The following ANKS1A variants were observed in gnomAD, a reference collection of about 807,000 sequenced individuals.
The protein encoded by ANKS1A is ankyrin repeat and sterile alpha motif domain containing 1A.
Under a neutral mutation model 120.3 loss-of-function variants are expected in ANKS1A, and 55 were observed. That is an observed-to-expected ratio of 0.46 (90% CI 0.37 to 0.57). The LOEUF (loss-of-function observed/expected upper bound fraction) is 0.57, where lower values mean the gene tolerates loss of function less well. Among genes scored for constraint, ANKS1A ranks in the 20% least tolerant of loss-of-function variants. The probability of loss-of-function intolerance (pLI) is 0.00; values close to 1 mark genes in which losing one functional copy is unlikely to be tolerated. For synonymous variants in ANKS1A, 590 were observed against 604.7 expected (o/e 0.98, Z 0.36); for missense variants, 1,123 against 1,480.3 (o/e 0.76, Z 3.96).
At chr6:35,025,770 G>A (rs940162001) in intron 11 of ANKS1A, among the ~76,000 whole-genome samples, 5 of 151,960 alleles carry the variant, frequency 3.3e-5, no homozygotes, top group African/African-American at 1.2e-4. Flanking sequence ...CTGTACCAGA[G>A]GGATTTTGCT....
Position 34,989,243 on chromosome 6 carries a change from C to T in ANKS1A, c.1229C>T (p.Pro410Leu), listed in dbSNP as rs1263318101. The T allele has an allele frequency of 6.2e-6, 10 of 1,613,880 alleles. No individual in the cohort carries two copies. Among genetic ancestry groups the T allele is most frequent in the African/African-American group, 4.0e-5 (3 of 74,906 alleles). ...GVRPRERPPPPAKPPPDEEEE... is the reference protein window; with the variant it reads ...GVRPRERPPPLAKPPPDEEEE... Reference sequence around the variant, plus strand: ...CTGCAGAGGGAACGTCCACCACCTCCAGCAAAGCCACCGCCCGATGAAGAG... The same window carrying T: ...CTGCAGAGGGAACGTCCACCACCTCTAGCAAAGCCACCGCCCGATGAAGAG... The change falls in exon 9 of 24, where the codon CCA becomes CTA. Residue 410 changes from proline to leucine, a missense_variant. Physicochemically the swap from Pro to Leu is moderately conservative, Grantham distance 98. Coordinates refer to ENST00000360359, the MANE Select transcript of ANKS1A (RefSeq NM_015245.3).
At chr6:35,093,307 G>A (rs1778362545), downstream of ANKS1A, among the ~76,000 whole-genome samples, 1 of 152,134 alleles carries the variant, frequency 6.6e-6, no homozygotes, top group Admixed American at 6.6e-5. Context: ...AGGGAGTGCA[G>A]GGAGATTCCT....
At chr6:34,936,646 C>T (rs1769269653) in intron 1 of ANKS1A, among the ~76,000 whole-genome samples, 1 of 152,162 alleles carries the variant, frequency 6.6e-6, no homozygotes, top group Non-Finnish European at 1.5e-5. Context: ...CCCTGGGTTT[C>T]TAATTCCTAC....
At chr6:34,998,387 T>C (rs1252981980) in intron 10 of ANKS1A, among the ~76,000 whole-genome samples, 5 of 152,136 alleles carry the variant, frequency 3.3e-5, no homozygotes, top group African/African-American at 4.8e-5. Flanking sequence ...CCCTCTCATA[T>C]TGTTTTATAC....
intron 11 of ANKS1A, among the ~76,000 whole-genome samples, chr6:35,025,114 T>G (rs1774549188): frequency 6.6e-6 from 1 of 152,100 alleles, no homozygotes; most frequent in Non-Finnish European, 1.5e-5. Context: ...TTCCATTGGC[T>G]TTAGGTGGTC....
At chr6:35,052,294 C>CA (rs1188596774) in intron 11 of ANKS1A, among the ~76,000 whole-genome samples, 1 of 149,066 alleles carries the variant, frequency 6.7e-6, no homozygotes, top group Non-Finnish European at 1.5e-5. Flanking sequence ...CAAAAAATAA[C>CA]AAAAAAATTA....
intron 1 of ANKS1A, among the ~76,000 whole-genome samples, chr6:34,898,032 A>G (rs1429168160): frequency 6.6e-6 from 1 of 152,182 alleles, no homozygotes. Context: ...CCTATCTTCT[A>G]AAGCAGCATT....
intron 10 of ANKS1A, among the ~76,000 whole-genome samples, chr6:35,013,389 G>T (rs953654726): frequency 7.2e-5 from 11 of 152,044 alleles, no homozygotes; most frequent in Non-Finnish European, 4.4e-5. Flanking sequence ...TGAATTCCTG[G>T]ACTCAAATTA....
intron 10 of ANKS1A, among the ~76,000 whole-genome samples, chr6:34,995,119 A>G (rs1340234812): frequency 6.6e-6 from 1 of 152,146 alleles, no homozygotes; most frequent in East Asian, 1.9e-4. Flanking sequence ...CCAGCTCTCT[A>G]CAGCTTGCAG....
intron 10 of ANKS1A, among the ~76,000 whole-genome samples, chr6:35,009,253 A>G (rs1773617782): frequency 6.6e-6 from 1 of 152,164 alleles, no homozygotes; most frequent in Non-Finnish European, 1.5e-5. Flanking sequence ...GGGAGTAGGA[A>G]GTTATAGGAA....
intron 13 of ANKS1A, among the ~76,000 whole-genome samples, chr6:35,068,540 G>T (rs1274592207): frequency 6.6e-6 from 1 of 152,216 alleles, no homozygotes; most frequent in Non-Finnish European, 1.5e-5. Context: ...CTCTTGGTTA[G>T]CGGAATCTGC....
chr6:34,954,515 GGCTTTGT>G (rs1339157625), intron 1 of ANKS1A, among the ~76,000 whole-genome samples: 1 of 152,174 alleles, frequency 6.6e-6, no homozygotes, highest in Non-Finnish European at 1.5e-5. Flanking sequence ...ACTCCTTGCT[GGCTTTGT>G]GGAACAAGGA....
At chr6:35,054,650 T>C (rs1162718903) in intron 12 of ANKS1A, among the ~76,000 whole-genome samples, 2 of 152,182 alleles carry the variant, frequency 1.3e-5, no homozygotes, top group Non-Finnish European at 2.9e-5. Context: ...CAGCTCCTTG[T>C]GCCTGACTCA....
At chr6:34,970,848 A>G (rs909356663) in intron 3 of ANKS1A, among the ~76,000 whole-genome samples, 1 of 151,496 alleles carries the variant, frequency 6.6e-6, no homozygotes, top group South Asian at 2.1e-4. Flanking sequence ...TCTATAAAAA[A>G]TTAAAAAAAA....
chr6:35,004,617 A>G (rs1773349144), intron 10 of ANKS1A, among the ~76,000 whole-genome samples: 1 of 151,750 alleles, frequency 6.6e-6, no homozygotes, highest in Non-Finnish European at 1.5e-5. Context: ...GCTAGAGGTG[A>G]TCATTTGAAA....
intron 1 of ANKS1A, among the ~76,000 whole-genome samples, chr6:34,930,172 A>G (rs888818531): frequency 6.6e-6 from 1 of 152,186 alleles, no homozygotes; most frequent in South Asian, 2.1e-4. Flanking sequence ...TCATCTCCCA[A>G]TATTCTGAAC....
At chr6:35,010,741 G>T (rs1773720236) in intron 10 of ANKS1A, among the ~76,000 whole-genome samples, 1 of 152,140 alleles carries the variant, frequency 6.6e-6, no homozygotes, top group Non-Finnish European at 1.5e-5. Flanking sequence ...CCTAAATGGG[G>T]TCTAATTTCT....
At chr6:34,999,244 C>T (rs1181937408) in intron 10 of ANKS1A, among the ~76,000 whole-genome samples, 1 of 152,108 alleles carries the variant, frequency 6.6e-6, no homozygotes. Flanking sequence ...GAATTTGCCT[C>T]TACCATTTGA....
chr6:34,898,598 C>T (rs1767206431), intron 1 of ANKS1A, among the ~76,000 whole-genome samples: 1 of 152,000 alleles, frequency 6.6e-6, no homozygotes, highest in South Asian at 2.1e-4. Context: ...TAAACCTCTG[C>T]CTTTATGGTA....
Sources: gnomAD v4.1 joint callset for allele counts (sites outside exome capture counted in the v4.1 genomes callset) on GRCh38, gnomAD v4.1.1 for gene constraint, MANE v1.5 for transcripts, NCBI Gene and HGNC (gene_info 2026-07-23, HGNC 2026-07-21) for gene names.